Variants in AGBL4 observed in about 807,000 individuals in gnomAD.
The protein encoded by AGBL4 is AGBL carboxypeptidase 4, also known as cytosolic carboxypeptidase 6.
In AGBL4, 58 loss-of-function variants were observed where a neutral mutation model predicts 66.4. The observed-to-expected ratio is 0.87, with a 90% CI of 0.71 to 1.09. The LOEUF (loss-of-function observed/expected upper bound fraction) is 1.09, where lower values mean the gene tolerates loss of function less well. Among genes scored for constraint, AGBL4 ranks in the 50% least tolerant of loss-of-function variants. The probability of loss-of-function intolerance (pLI) is 0.00; values close to 1 mark genes in which losing one functional copy is unlikely to be tolerated. For missense variants in AGBL4, 579 were observed against 631.0 expected (o/e 0.92, Z 0.88); for synonymous variants, 234 against 222.9 (o/e 1.05, Z -0.44).
intron 8 of AGBL4, among the ~76,000 whole-genome samples, chr1:48,643,634 G>T (rs112904098): frequency 1.3e-5 from 2 of 152,370 alleles, no homozygotes; most frequent in East Asian, 3.9e-4. Context: ...TCATGAGGTT[G>T]TTGGGAGGAA....
chr1:48,589,573 T>C (rs542286914), intron 10 of AGBL4, among the ~76,000 whole-genome samples: 6 of 152,304 alleles, frequency 3.9e-5, no homozygotes, highest in African/African-American at 1.4e-4. Flanking sequence ...CCTGCCCTTT[T>C]CCAATATTGC....
intron 6 of AGBL4, among the ~76,000 whole-genome samples, chr1:48,833,555 T>C (rs1014487823): frequency 8.5e-5 from 13 of 152,208 alleles, no homozygotes; most frequent in African/African-American, 3.1e-4. Context: ...TTTATCCATA[T>C]TGCAGAAAGT....
At chr1:49,416,700 T>G (rs1041726865) in intron 3 of AGBL4, among the ~76,000 whole-genome samples, 4 of 152,162 alleles carry the variant, frequency 2.6e-5, no homozygotes, top group African/African-American at 9.6e-5. Flanking sequence ...TAATAGCTTT[T>G]ACTTCATAAG....
At chr1:49,751,357 G>T (rs1209182454) in intron 2 of AGBL4, among the ~76,000 whole-genome samples, 5 of 152,116 alleles carry the variant, frequency 3.3e-5, no homozygotes, top group Non-Finnish European at 4.4e-5. Context: ...TTTTGACATT[G>T]GTTCTGTTTA....
At chr1:48,897,626 T>A (rs1328875410) in intron 5 of AGBL4, among the ~76,000 whole-genome samples, 3 of 152,226 alleles carry the variant, frequency 2.0e-5, no homozygotes, top group Non-Finnish European at 2.9e-5. Flanking sequence ...TTTCTCCACA[T>A]CCTCACTTGC....
chr1:49,277,039 T>TA lies in AGBL4; in HGVS notation c.283-31176dup, dbSNP rs1644181815. Among the ~76,000 whole-genome samples the TA allele has an allele frequency of 2.0e-5, 3 of 151,840 alleles. No individual in the cohort carries two copies. The South Asian group carries it at 6.2e-4, about 32-fold the overall frequency. On this transcript the variant is annotated intron_variant, in intron 3 of 13. Coordinates refer to ENST00000371839, the MANE Select transcript of AGBL4 (RefSeq NM_032785.4). ...ATCAAACCATGCAGAAAAAAAAGAC[T>TA]AAAAGAAAGAAAAACTGAAAAAGGG...
At chr1:49,453,607 T>C (rs1249469472) in intron 3 of AGBL4, among the ~76,000 whole-genome samples, 1 of 151,872 alleles carries the variant, frequency 6.6e-6, no homozygotes, top group East Asian at 1.9e-4. Context: ...TCTCATTTTC[T>C]TTTATGTCAG....
intron 3 of AGBL4, among the ~76,000 whole-genome samples, chr1:49,599,267 G>A (rs140218249): frequency 0.05 from 7,562 of 152,104 alleles, 298 homozygotes; most frequent in East Asian, 0.15. Context: ...ATTAATTACT[G>A]CCTCAATTTC....
intron 3 of AGBL4, among the ~76,000 whole-genome samples, chr1:49,554,736 G>A (rs369943033): frequency 1.3e-5 from 2 of 152,202 alleles, no homozygotes; most frequent in African/African-American, 4.8e-5. Context: ...CTTAAAGATG[G>A]TGTGTCTGGA....
At chr1:49,571,099 C>CT (rs35445920) in intron 3 of AGBL4, among the ~76,000 whole-genome samples, 98 of 143,544 alleles carry the variant, frequency 6.8e-4, no homozygotes, top group South Asian at 2.0e-3. Flanking sequence ...TATTTTAGGC[C>CT]TTTTTTTTTT....
intron 9 of AGBL4, among the ~76,000 whole-genome samples, chr1:48,596,855 A>G (rs1645001925): frequency 6.6e-6 from 1 of 152,200 alleles, no homozygotes. Context: ...AAGGGATATA[A>G]TAAGTCAAGG....
intron 3 of AGBL4, among the ~76,000 whole-genome samples, chr1:49,655,758 C>T (rs575452458): frequency 6.6e-6 from 1 of 152,112 alleles, no homozygotes; most frequent in Non-Finnish European, 1.5e-5. Context: ...ATCAATGAAT[C>T]CAGGAGCTGG....
intron 1 of AGBL4, among the ~76,000 whole-genome samples, chr1:50,011,911 G>A (rs1349104651): frequency 1.3e-5 from 2 of 152,174 alleles, no homozygotes; most frequent in Non-Finnish European, 2.9e-5. Context: ...TGTAATCCCA[G>A]CACTTTGGGA....
In AGBL4 at chr1:49,969,674, G is replaced by T. The variant is rs567294714; in HGVS notation, c.34+54089C>A. ...TCCTTCATTCAGGTTCATCTATGTT[G>T]TTGCAAATAGATTTCCTTCTCTTTT... On this transcript the variant is annotated intron_variant, in intron 1 of 13. Transcript: ENST00000371839. Among the ~76,000 whole-genome samples, 5 of 152,134 alleles carry T rather than the reference G, an allele frequency of 3.3e-5. No homozygotes were observed. The South Asian group carries it at 1.0e-3, about 32-fold the overall frequency.
intron 2 of AGBL4, among the ~76,000 whole-genome samples, chr1:49,831,317 C>G (rs957619347): frequency 7.9e-5 from 12 of 152,204 alleles, no homozygotes; most frequent in African/African-American, 2.4e-4. Context: ...TTGAAGAGGT[C>G]CTTCACATCC....
intron 6 of AGBL4, among the ~76,000 whole-genome samples, chr1:48,731,839 C>G (rs1408431805): frequency 1.3e-5 from 2 of 152,146 alleles, no homozygotes; most frequent in Admixed American, 1.3e-4. Flanking sequence ...GAAGCTTACC[C>G]TTCAACAGTG....
intron 3 of AGBL4, among the ~76,000 whole-genome samples, chr1:49,409,304 A>G (rs1276292473): frequency 6.6e-6 from 1 of 152,174 alleles, no homozygotes; most frequent in Non-Finnish European, 1.5e-5. Flanking sequence ...TAACAATTAC[A>G]CAATTCACAT....
chr1:49,979,615 T>C (rs1386312857), intron 1 of AGBL4, among the ~76,000 whole-genome samples: 2 of 152,194 alleles, frequency 1.3e-5, no homozygotes, highest in Admixed American at 6.5e-5. Context: ...TAATAACCAC[T>C]TCCTGTTGCT....
intron 3 of AGBL4, among the ~76,000 whole-genome samples, chr1:49,425,400 T>A (rs1378944682): frequency 6.6e-6 from 1 of 152,180 alleles, no homozygotes; most frequent in African/African-American, 2.4e-5. Context: ...AAAATTATTA[T>A]ATAAGTGTTT....
Sources: gnomAD v4.1 joint callset for allele counts (sites outside exome capture counted in the v4.1 genomes callset) on GRCh38, gnomAD v4.1.1 for gene constraint, MANE v1.5 for transcripts, NCBI Gene and HGNC (gene_info 2026-07-23, HGNC 2026-07-21) for gene names.